The following AMOTL1 variants were observed in gnomAD, a reference collection of about 807,000 sequenced individuals.
AMOTL1 encodes angiomotin like 1, also known as angiomotin-like protein 1.
AMOTL1 carries 45 observed loss-of-function variants against 102.9 expected under a neutral mutation model. That is an observed-to-expected ratio of 0.44 (90% CI 0.34 to 0.56). AMOTL1 has a LOEUF of 0.56. Among genes scored for constraint, AMOTL1 ranks in the 20% least tolerant of loss-of-function variants. The probability of loss-of-function intolerance (pLI) is 0.01; values close to 1 mark genes in which losing one functional copy is unlikely to be tolerated. For synonymous variants in AMOTL1, 481 were observed against 484.7 expected (o/e 0.99, Z 0.10); for missense variants, 1,114 against 1,225.6 (o/e 0.91, Z 1.36).
At chr11:94,822,839 G>A (rs983113102) in intron 4 of AMOTL1, among the ~76,000 whole-genome samples, 1 of 152,156 alleles carries the variant, frequency 6.6e-6, no homozygotes, top group African/African-American at 2.4e-5. Flanking sequence ...GTTGAGCAAA[G>A]GTAATAGGAT....
chr11:94,736,232 G>T (rs1433520539), intron 2 of AMOTL1, among the ~76,000 whole-genome samples: 1 of 152,144 alleles, frequency 6.6e-6, no homozygotes, highest in Non-Finnish European at 1.5e-5. Context: ...CTCTATGTGG[G>T]AAGAAAATGA....
At position 94,821,701 on chromosome 11, in the gene AMOTL1, T is replaced by C; in HGVS notation, c.1293T>C (p.Gly431=). The change falls in exon 4 of 13, where the codon GGT becomes GGC. Residue 431 remains glycine (G), a synonymous_variant. Coordinates refer to ENST00000433060, the MANE Select transcript of AMOTL1 (RefSeq NM_130847.3). ...PPAASPSQQL[G]PDAFAIVERA... The stretch of plus-strand genomic sequence containing the variant: ...CCGCCTCCCCCAGCCAGCAGCTTGG[T>C]CCAGATGCCTTTGCGATTGTGGAGC... The C allele has an allele frequency of 6.2e-7, 1 of 1,613,972 alleles. No homozygotes were observed. The highest frequency in any genetic ancestry group is 8.5e-7 in the Non-Finnish European group (1 of 1,179,864).
At chr11:94,853,414 C>T (rs1952588992) in intron 7 of AMOTL1, among the ~76,000 whole-genome samples, 1 of 151,788 alleles carries the variant, frequency 6.6e-6, no homozygotes, top group South Asian at 2.1e-4. Context: ...GTTTTCTGTT[C>T]CTGTGTTAGT....
intron 3 of AMOTL1, among the ~76,000 whole-genome samples, chr11:94,806,282 T>C (rs1412394154): frequency 2.0e-5 from 3 of 152,232 alleles, no homozygotes; most frequent in African/African-American, 4.8e-5. Flanking sequence ...TTACTCCTAG[T>C]GGGCTCTGTG....
chr11:94,772,469 A>T (rs1055595841), intron 1 of AMOTL1, among the ~76,000 whole-genome samples: 2 of 152,192 alleles, frequency 1.3e-5, no homozygotes, highest in Admixed American at 6.5e-5. Flanking sequence ...AAATACAATC[A>T]TGTAGTATGT....
intron 1 of AMOTL1, among the ~76,000 whole-genome samples, chr11:94,714,817 A>G (rs1452522238): frequency 6.6e-6 from 1 of 152,044 alleles, no homozygotes; most frequent in Non-Finnish European, 1.5e-5. Context: ...ACTAATAACC[A>G]GCTTTTTATT....
At chr11:94,868,274 A>G (rs1431586373) in intron 11 of AMOTL1, among the ~76,000 whole-genome samples, 1 of 152,252 alleles carries the variant, frequency 6.6e-6, no homozygotes, top group Non-Finnish European at 1.5e-5. Flanking sequence ...ATCTAACCAG[A>G]TAAGAGAACA....
chr11:94,781,625 A>G (rs1951114193), intron 1 of AMOTL1, among the ~76,000 whole-genome samples: 1 of 152,110 alleles, frequency 6.6e-6, no homozygotes, highest in Non-Finnish European at 1.5e-5. Context: ...TCACGAGGTC[A>G]GGAGATCGAG....
rs548371236 is a variant in AMOTL1 at position 94,717,809 on chromosome 11, G to T, written c.-50-11112G>T. On this transcript the variant is annotated intron_variant, in intron 1 of 4. Coordinates refer to the AMOTL1 transcript ENST00000299004. ...AAATATACTTTAAAAATTTTAAATA[G>T]TACATTCAGTACAAAGAAAGAAATT... 1.8e-4 allele frequency among the ~76,000 whole-genome samples: 28 copies of T among 151,498 alleles called. No homozygotes were observed. The South Asian group carries it at 5.0e-3, about 27-fold the overall frequency.
At chr11:94,814,598 A>C (rs1352001362) in intron 3 of AMOTL1, among the ~76,000 whole-genome samples, 8 of 152,192 alleles carry the variant, frequency 5.3e-5, no homozygotes, top group African/African-American at 1.7e-4. Context: ...CTCGGCTTGC[A>C]AAGATAATGT....
chr11:94,755,192 A>C (rs1000051035), intron 3 of AMOTL1, among the ~76,000 whole-genome samples: 3 of 152,234 alleles, frequency 2.0e-5, no homozygotes, highest in African/African-American at 7.2e-5. Flanking sequence ...CAGGGATTTG[A>C]TGCGTGCTTC....
At chr11:94,715,024 C>T (rs950767841) in intron 1 of AMOTL1, among the ~76,000 whole-genome samples, 2 of 152,026 alleles carry the variant, frequency 1.3e-5, no homozygotes, top group African/African-American at 4.8e-5. Context: ...TTTTCTTTTG[C>T]CACTTTAGCT....
chr11:94,835,614 T>C (rs1952163899), intron 6 of AMOTL1, among the ~76,000 whole-genome samples: 1 of 152,230 alleles, frequency 6.6e-6, no homozygotes, highest in Non-Finnish European at 1.5e-5. Flanking sequence ...TATTCTTGAA[T>C]TGAGTGGGAC....
chr11:94,863,311 G>A (rs1336157330), intron 9 of AMOTL1, among the ~76,000 whole-genome samples: 1 of 151,498 alleles, frequency 6.6e-6, no homozygotes, highest in Non-Finnish European at 1.5e-5. Flanking sequence ...AAAGTTTTCA[G>A]GCGGGGCGCG....
intron 3 of AMOTL1, among the ~76,000 whole-genome samples, chr11:94,759,479 A>G (rs529490934): frequency 9.3e-5 from 14 of 151,020 alleles, no homozygotes; most frequent in Admixed American, 1.3e-4. Flanking sequence ...TGCTCACCAT[A>G]TATGGATCAT....
At chr11:94,842,059 A>G (rs1388510784) in intron 6 of AMOTL1, among the ~76,000 whole-genome samples, 4 of 152,340 alleles carry the variant, frequency 2.6e-5, no homozygotes, top group East Asian at 3.9e-4. Flanking sequence ...TTGTTTTCCT[A>G]TATTAGACCA....
chr11:94,814,380 T>A (rs1208122213), intron 3 of AMOTL1, among the ~76,000 whole-genome samples: 1 of 152,226 alleles, frequency 6.6e-6, no homozygotes, highest in Non-Finnish European at 1.5e-5. Context: ...TACGCATTCA[T>A]GCTAATAAAT....
intron 7 of AMOTL1, among the ~76,000 whole-genome samples, chr11:94,853,232 A>G (rs1276060994): frequency 6.6e-6 from 1 of 152,164 alleles, no homozygotes; most frequent in Admixed American, 6.5e-5. Flanking sequence ...TGCTGCACCT[A>G]CCAACCCATC....
At chr11:94,707,963 TC>T (rs1159344641) in intron 1 of AMOTL1, among the ~76,000 whole-genome samples, 3 of 152,144 alleles carry the variant, frequency 2.0e-5, no homozygotes, top group Non-Finnish European at 2.9e-5. Context: ...CAGTCTTACC[TC>T]CCAGCAGCAT....
Sources: gnomAD v4.1 joint callset for allele counts (sites outside exome capture counted in the v4.1 genomes callset) on GRCh38, gnomAD v4.1.1 for gene constraint, MANE v1.5 for transcripts, NCBI Gene and HGNC (gene_info 2026-07-23, HGNC 2026-07-21) for gene names.